The following PCDHA1 variants were observed in gnomAD, a reference collection of about 807,000 sequenced individuals.
PCDHA1 encodes protocadherin alpha 1, also known as protocadherin alpha-1.
A neutral mutation model predicts 61.3 loss-of-function variants in PCDHA1; 42 were observed. The observed-to-expected ratio is 0.69, with a 90% confidence interval of 0.54 to 0.89. The LOEUF (loss-of-function observed/expected upper bound fraction) is 0.89. Ranked by LOEUF, PCDHA1 falls within the 40% of genes least tolerant of loss-of-function variation. The pLI is 0.00. For missense variants in PCDHA1, 1,256 were observed against 1,235.3 expected, an observed-to-expected ratio of 1.02 and a Z score of -0.25; for synonymous variants, 610 against 553.8, an observed-to-expected ratio of 1.10 and a Z score of -1.43.
chr5:140,877,434 C>T, intron 1 of PCDHA1: 1 of 1,613,804 alleles, frequency 6.2e-7, no homozygotes, highest in South Asian at 1.1e-5. Flanking sequence ...TGAAGGACCA[C>T]GGTGAGCCCG....
intron 1 of PCDHA1, chr5:140,966,173 A>C (rs2095976741): frequency 5.4e-6 from 1 of 184,728 alleles, no homozygotes; most frequent in Admixed American, 6.2e-5. Context: ...TTTCCTGGGG[A>C]GCTGATAGCC....
chr5:140,796,284 C>A (rs1554119811), intron 1 of PCDHA1: 2 of 1,614,026 alleles, frequency 1.2e-6, no homozygotes, highest in African/African-American at 1.3e-5. Flanking sequence ...CCACCACCAG[C>A]GTGTCCATCG....
intron 1 of PCDHA1, chr5:140,836,212 A>T: frequency 6.2e-7 from 1 of 1,613,756 alleles, no homozygotes. Flanking sequence ...CTTTCGTATG[A>T]GTTGCAACCG....
chr5:140,859,468 C>T, intron 1 of PCDHA1: 1 of 211,932 alleles, frequency 4.7e-6, no homozygotes, highest in Non-Finnish European at 9.2e-6. Flanking sequence ...ACTACACTAT[C>T]AATTGTGTTT....
chr5:141,006,944 A>G (rs2098295543), intron 3 of PCDHA1, among the ~76,000 whole-genome samples: 1 of 152,202 alleles, frequency 6.6e-6, no homozygotes, highest in African/African-American at 2.4e-5. Context: ...GATACCAGAT[A>G]GGCAGTTATA....
In PCDHA1 at chr5:140,794,559, G is replaced by A. The variant is rs535789736; in HGVS notation, c.2394+5875G>A. ...TCCAAGATGAAAAATTTGTAACAAT[G>A]TGAATATACTTAACATTACTGAAAT... On this transcript the variant is annotated intron_variant, in intron 1 of 3. Coordinates refer to ENST00000504120, the MANE Select transcript of PCDHA1 (RefSeq NM_018900.4). 3.7e-3 allele frequency among the ~76,000 whole-genome samples: 570 copies of A among 152,318 alleles called. 5 individuals are homozygous for A. The highest frequency in any genetic ancestry group is 0.013 in the African/African-American group (546 of 41,564).
intron 1 of PCDHA1, chr5:140,875,308 A>G (rs757619394): frequency 2.7e-5 from 39 of 1,423,476 alleles, no homozygotes; most frequent in Non-Finnish European, 3.4e-5. Flanking sequence ...CTCCGCACCC[A>G]CATTCCAATC....
rs2150464211 is a variant in PCDHA1 at position 140,850,028 on chromosome 5, C to T, written c.2394+61344C>T. 1.0e-5 allele frequency: 16 copies of T among 1,596,676 alleles called. 1 individual carries two copies. Among genetic ancestry groups the T allele is most frequent in the East Asian group, 2.2e-5 (1 of 44,848 alleles). On this transcript the variant is annotated intron_variant, in intron 1 of 3. Coordinates refer to ENST00000504120, the MANE Select transcript of PCDHA1 (RefSeq NM_018900.4). The stretch of plus-strand genomic sequence containing the variant: ...CGCTGTCGAGCTACGTGTCAGTGCA[C>T]GCGGAGAGCGGCAAGGTGTACGCGC...
At chr5:140,877,284 C>T (rs1318334277) in intron 1 of PCDHA1, 3 of 1,613,900 alleles carry the variant, frequency 1.9e-6, no homozygotes, top group Non-Finnish European at 2.5e-6. Context: ...CCGGCTATAA[C>T]GCTTGGCTGT....
intron 1 of PCDHA1, chr5:140,815,383 G>T (rs1042802811): frequency 1.4e-4 from 21 of 152,028 alleles, no homozygotes; most frequent in African/African-American, 5.1e-4. Context: ...TGGTTACCAT[G>T]GGGCTTACAT....
intron 1 of PCDHA1, chr5:140,821,860 C>CAGCT (rs1193043307): frequency 6.2e-7 from 1 of 1,614,076 alleles, no homozygotes; most frequent in Non-Finnish European, 8.5e-7. Context: ...AGGGAGCGGC[C>CAGCT]AGCTCCACTA....
chr5:140,871,031 G>C (rs543880939), intron 1 of PCDHA1: 4 of 1,613,210 alleles, frequency 2.5e-6, no homozygotes, highest in Middle Eastern at 3.3e-4. Flanking sequence ...GACTCGCCGC[G>C]CCACCGACTT....
chr5:140,807,723 C>T (rs369564705), intron 1 of PCDHA1: 1 of 1,614,192 alleles, frequency 6.2e-7, no homozygotes, highest in Non-Finnish European at 8.5e-7. Flanking sequence ...GAATACTTTT[C>T]TCTGGAAAAA....
chr5:140,872,606 A>T (rs905903091), intron 1 of PCDHA1, among the ~76,000 whole-genome samples: 4 of 151,888 alleles, frequency 2.6e-5, no homozygotes, highest in Non-Finnish European at 4.4e-5. Context: ...TGAAAAAATA[A>T]TTTTTTTTGC....
intron 1 of PCDHA1, chr5:140,807,162 T>A: frequency 6.3e-7 from 1 of 1,594,640 alleles, no homozygotes; most frequent in Non-Finnish European, 8.5e-7. Flanking sequence ...CGATATTTAA[T>A]CAGAACAAAA....
At position 140,942,948 on chromosome 5, in the gene PCDHA1, C is replaced by T. The variant is rs534534050; in HGVS notation, c.2395-36001C>T. 1.4e-4 allele frequency among the ~76,000 whole-genome samples: 22 copies of T among 151,804 alleles called. No individual in the cohort carries two copies. The South Asian group carries it at 4.0e-3, about 27-fold the overall frequency. On this transcript the variant is annotated intron_variant, in intron 1 of 3. Transcript: ENST00000504120. ...ATTGAAAAAGAGTTTAAAGTGTAGA[C>T]GTTCTGTTATCAGAATTAAATTTTG... is the stretch of plus-strand genomic sequence containing the variant.
At chr5:140,835,585 T>G in intron 1 of PCDHA1, 1 of 1,613,922 alleles carries the variant, frequency 6.2e-7, no homozygotes, top group South Asian at 1.1e-5. Context: ...GTGTCCACCT[T>G]CAAGAATTAC....
intron 1 of PCDHA1, among the ~76,000 whole-genome samples, chr5:140,846,179 C>T (rs1250648449): frequency 1.3e-5 from 2 of 149,312 alleles, no homozygotes; most frequent in African/African-American, 4.9e-5. Flanking sequence ...CCTGAGTAGG[C>T]GTTTGAGTTC....
rs188637090 is a variant in PCDHA1 at position 140,876,765 on chromosome 5, C to T, written c.2394+88081C>T. 1,055 of 1,614,234 alleles carry T rather than the reference C, an allele frequency of 6.5e-4. 5 individuals are homozygous for T. The African/African-American group carries it at 0.01, about 15-fold the overall frequency. ...TGGTGGTGACTGCGCGGGATGGGGG[C>T]TCGCCTTCGCTGTGGGCCACGGCTA... On this transcript the variant is annotated intron_variant, in intron 1 of 3. Transcript: ENST00000504120.
Sources: gnomAD v4.1 joint callset for allele counts (sites outside exome capture counted in the v4.1 genomes callset) on GRCh38, gnomAD v4.1.1 for gene constraint, MANE v1.5 for transcripts, NCBI Gene and HGNC (gene_info 2026-07-23, HGNC 2026-07-21) for gene names.